The following KCNT2 variants were observed in gnomAD, a reference collection of about 807,000 sequenced individuals.
KCNT2 encodes the protein potassium channel subfamily T member 2.
Under a neutral mutation model 153.8 loss-of-function variants are expected in KCNT2, and 67 were observed. The observed-to-expected ratio is 0.44, with a 90% CI of 0.36 to 0.53. The LOEUF (loss-of-function observed/expected upper bound fraction) is 0.53. KCNT2 is among the 20% of genes least tolerant of loss of function. The pLI is 0.00. For missense variants in KCNT2, 975 were observed against 1,354.8 expected, an observed-to-expected ratio of 0.72 and a Z score of 4.40; for synonymous variants, 500 against 458.8, an observed-to-expected ratio of 1.09 and a Z score of -1.15.
At chr1:196,513,049 C>T (rs1681762480) in intron 1 of KCNT2, among the ~76,000 whole-genome samples, 1 of 152,102 alleles carries the variant, frequency 6.6e-6, no homozygotes, top group African/African-American at 2.4e-5. Flanking sequence ...CTGCTAATTT[C>T]CCCATGCCTA....
intron 14 of KCNT2, among the ~76,000 whole-genome samples, chr1:196,368,572 CT>C (rs1364004125): frequency 2.6e-5 from 4 of 152,030 alleles, no homozygotes; most frequent in African/African-American, 9.7e-5. Flanking sequence ...TTCAGAAGTC[CT>C]CAGAGAACAG....
rs576888055 is a variant in KCNT2, at chr1:196,570,011, G to T, written c.95+38204C>A. ...AAGGGCTACAGGAAACTTCTGCTATGCTAAGAAGTTCTAACCAACAAAAAG... is the reference window on the plus strand; with the variant it reads ...AAGGGCTACAGGAAACTTCTGCTATTCTAAGAAGTTCTAACCAACAAAAAG... On this transcript the variant is annotated intron_variant, in intron 1 of 27. Coordinates refer to ENST00000294725, the MANE Select transcript of KCNT2 (RefSeq NM_198503.5). Among the ~76,000 whole-genome samples, 5 of 145,428 alleles carry T rather than the reference G, an allele frequency of 3.4e-5. No individual in the cohort carries two copies. In the South Asian group the frequency reaches 1.1e-3, roughly 31 times the overall value.
intron 14 of KCNT2, among the ~76,000 whole-genome samples, chr1:196,367,457 T>TA (rs1052471025): frequency 3.3e-5 from 5 of 152,174 alleles, no homozygotes; most frequent in African/African-American, 1.2e-4. Flanking sequence ...TAATGATTTT[T>TA]AAAAAGTAAA....
chr1:196,602,716 A>C (rs2149034111), intron 1 of KCNT2, among the ~76,000 whole-genome samples: 1 of 151,504 alleles, frequency 6.6e-6, no homozygotes, highest in African/African-American at 2.4e-5. Flanking sequence ...ATAATTATTA[A>C]ATAATACATT....
At chr1:196,329,950 C>CATATATATAT (rs71154737) in intron 18 of KCNT2, among the ~76,000 whole-genome samples, 1,947 of 73,338 alleles carry the variant, frequency 0.027, 71 homozygotes, top group African/African-American at 0.058. Flanking sequence ...TTCCTCAAGA[C>CATATATATAT]ATATATATAT....
At chr1:196,434,287 G>C (rs1009428628) in intron 8 of KCNT2, among the ~76,000 whole-genome samples, 1 of 152,044 alleles carries the variant, frequency 6.6e-6, no homozygotes, top group African/African-American at 2.4e-5. Context: ...CTAGAGAACA[G>C]AGAAGAAAGA....
At chr1:196,560,302 A>G (rs960169470) in intron 1 of KCNT2, among the ~76,000 whole-genome samples, 2 of 151,956 alleles carry the variant, frequency 1.3e-5, no homozygotes, top group Non-Finnish European at 2.9e-5. Context: ...TCTTTCACTC[A>G]AACAATGTGG....
rs370439662 is a variant in KCNT2, at chr1:196,279,275, A to G, written c.2910+1585T>C. On this transcript the variant is annotated intron_variant, in intron 25 of 27. Transcript: ENST00000294725. ...GCATATCTAGACAAACATCTTACAT[A>G]TTTAACTGTCTGGTTTGTTTTTCCA... 5.9e-5 allele frequency among the ~76,000 whole-genome samples: 9 copies of G among 152,240 alleles called. No individual in the cohort carries two copies. The East Asian group carries it at 1.7e-3, about 29-fold the overall frequency.
chr1:196,608,367 A>C lies in KCNT2; in HGVS notation c.-58T>G. 2 of 1,384,054 alleles carry C rather than the reference A, an allele frequency of 1.4e-6. No homozygotes were observed. Among genetic ancestry groups the C allele is most frequent in the Non-Finnish European group, 1.0e-6 (1 of 970,576 alleles). The allele number at this position is 1,384,054 out of a possible 1,614,324, so 85.7% of individuals were successfully genotyped here. ...AAATGGAGGAGAGGAGGGAGAAAGA[A>C]AGAAAATATTGCGGAGTACAGGGAG... On this transcript the variant is annotated 5_prime_UTR_variant, in exon 1 of 28. Coordinates refer to ENST00000294725, the MANE Select transcript of KCNT2 (RefSeq NM_198503.5).
intron 12 of KCNT2, among the ~76,000 whole-genome samples, chr1:196,416,669 TAAGTAA>T (rs1672779974): frequency 1.3e-5 from 2 of 152,096 alleles, no homozygotes; most frequent in South Asian, 4.1e-4. Context: ...TCCTGATTCA[TAAGTAA>T]AAGTAAGACA....
intron 22 of KCNT2, among the ~76,000 whole-genome samples, chr1:196,304,963 T>C (rs976416510): frequency 6.6e-6 from 1 of 152,166 alleles, no homozygotes; most frequent in Non-Finnish European, 1.5e-5. Context: ...TACACATTTC[T>C]GTTGCATTTA....
At chr1:196,293,385 T>C (rs1660378830) in intron 22 of KCNT2, among the ~76,000 whole-genome samples, 1 of 152,118 alleles carries the variant, frequency 6.6e-6, no homozygotes, top group Non-Finnish European at 1.5e-5. Flanking sequence ...CATCACAGTA[T>C]CTGACTTCAA....
At chr1:196,467,564 A>G in intron 7 of KCNT2, 139 bp downstream of exon 7, 1 of 457,220 alleles carries the variant, frequency 2.2e-6, no homozygotes, top group Non-Finnish European at 4.0e-6. Context: ...CAATAGTATG[A>G]GTTAAACGTT....
chr1:196,554,714 T>C (rs547446306), intron 1 of KCNT2, among the ~76,000 whole-genome samples: 2 of 151,320 alleles, frequency 1.3e-5, no homozygotes, highest in East Asian at 3.9e-4. Context: ...GTATCTCTGA[T>C]GAATATTGAT....
In KCNT2 at chr1:196,603,176, A is replaced by T. The variant is rs529582683; in HGVS notation, c.95+5039T>A. On this transcript the variant is annotated intron_variant, in intron 1 of 27. Transcript: ENST00000294725. ...ATTTTTCTTAATAAAGTCGATATTG[A>T]TAAGAAACACAGGATTGTCTAAACT... Among the ~76,000 whole-genome samples the T allele has an allele frequency of 9.8e-5, 15 of 152,292 alleles. No homozygotes were observed. In the South Asian group the frequency reaches 3.1e-3, roughly 32 times the overall value.
intron 25 of KCNT2, chr1:196,273,391 A>G: frequency 1.1e-6 from 1 of 900,484 alleles, no homozygotes; most frequent in Non-Finnish European, 1.7e-6. Flanking sequence ...TCAATATTTA[A>G]TATTATTTTT....
intron 13 of KCNT2, among the ~76,000 whole-genome samples, chr1:196,395,022 G>A (rs1371168436): frequency 6.7e-6 from 1 of 150,364 alleles, no homozygotes; most frequent in Non-Finnish European, 1.5e-5. Flanking sequence ...AATGAATGTT[G>A]AAGTCTGTCT....
intron 10 of KCNT2, among the ~76,000 whole-genome samples, chr1:196,427,380 T>G (rs967353688): frequency 6.6e-6 from 1 of 152,070 alleles, no homozygotes; most frequent in African/African-American, 2.4e-5. Flanking sequence ...TTAGAAATAC[T>G]AAGCATTGTC....
At chr1:196,450,740 C>T (rs1281678502) in intron 8 of KCNT2, among the ~76,000 whole-genome samples, 2 of 151,876 alleles carry the variant, frequency 1.3e-5, no homozygotes, top group Non-Finnish European at 2.9e-5. Flanking sequence ...AGTATTTCTG[C>T]TACTGCTCTT....
Sources: allele counts gnomAD v4.1 joint callset (sites outside exome capture counted in the v4.1 genomes callset), GRCh38; gene constraint gnomAD v4.1.1; transcripts MANE v1.5; gene names NCBI Gene and HGNC (gene_info 2026-07-23, HGNC 2026-07-21).